GLRA3: variants seen among roughly 807,000 people sequenced by gnomAD.
The protein encoded by GLRA3 is glycine receptor alpha 3, also known as glycine receptor subunit alpha-3.
A neutral mutation model predicts 60.4 loss-of-function variants in GLRA3; 44 were observed. That is an observed-to-expected ratio of 0.73 (90% CI 0.57 to 0.94). The LOEUF (loss-of-function observed/expected upper bound fraction) is 0.94, where lower values mean the gene tolerates loss of function less well. Among genes scored for constraint, GLRA3 ranks in the 40% least tolerant of loss-of-function variants. The probability of loss-of-function intolerance (pLI) is 0.00; values close to 1 mark genes in which losing one functional copy is unlikely to be tolerated. For missense variants in GLRA3, 508 were observed against 564.6 expected (o/e 0.90, Z 1.02); for synonymous variants, 223 against 192.9 (o/e 1.16, Z -1.29).
At chr4:174,679,588 G>T (rs531233617) in intron 6 of GLRA3, among the ~76,000 whole-genome samples, 73 of 152,242 alleles carry the variant, frequency 4.8e-4, no homozygotes, top group African/African-American at 1.6e-3. Flanking sequence ...ATACATGTTT[G>T]TTGAAGCCCT....
chr4:174,775,511 G>T (rs1738564788), intron 2 of GLRA3, among the ~76,000 whole-genome samples: 1 of 152,096 alleles, frequency 6.6e-6, no homozygotes, highest in African/African-American at 2.4e-5. Context: ...GTGGCCATTG[G>T]AGATAACATA....
intron 1 of GLRA3, among the ~76,000 whole-genome samples, chr4:174,790,528 G>A (rs1739292026): frequency 6.7e-6 from 1 of 149,770 alleles, no homozygotes; most frequent in South Asian, 2.1e-4. Flanking sequence ...GTTGGATTTT[G>A]TAGCTACATG....
At chr4:174,813,086 G>A (rs1483724167) in intron 1 of GLRA3, among the ~76,000 whole-genome samples, 4 of 152,082 alleles carry the variant, frequency 2.6e-5, no homozygotes, top group African/African-American at 4.8e-5. Flanking sequence ...AAAAATATAA[G>A]CCAACACTGC....
At position 174,641,236 on chromosome 4, in the gene GLRA3, T is replaced by C. The variant is rs2110827992; in HGVS notation, c.*2550A>G. 6.6e-6 allele frequency: 1 copy of C among 152,284 alleles called. No homozygotes were observed. The highest frequency in any genetic ancestry group is 1.9e-4 in the East Asian group (1 of 5,186). The allele number at this position is 152,284 out of a possible 1,614,324, so 9.4% of individuals were successfully genotyped here. On this transcript the variant is annotated 3_prime_UTR_variant, in exon 10 of 10. Coordinates refer to ENST00000274093, the MANE Select transcript of GLRA3 (RefSeq NM_006529.4). ...GAATTCCAATTTGTGTGTTTAGTAGTTAATGTATATGCACACATTTTTAAT... is the reference window on the plus strand; with the variant it reads ...GAATTCCAATTTGTGTGTTTAGTAGCTAATGTATATGCACACATTTTTAAT...
chr4:174,790,395 A>C (rs1195816979), intron 1 of GLRA3, among the ~76,000 whole-genome samples: 1 of 151,908 alleles, frequency 6.6e-6, no homozygotes, highest in African/African-American at 2.4e-5. Flanking sequence ...TTTTTTAAAA[A>C]AACCTATCTT....
At chr4:174,755,764 A>AGAACAATG (rs1737668487) in intron 3 of GLRA3, among the ~76,000 whole-genome samples, 1 of 152,058 alleles carries the variant, frequency 6.6e-6, no homozygotes, top group South Asian at 2.1e-4. Context: ...CAGTATAGTA[A>AGAACAATG]TTTCTGCAGA....
At chr4:174,783,552 AT>A (rs1738987441) in intron 2 of GLRA3, among the ~76,000 whole-genome samples, 3 of 140,520 alleles carry the variant, frequency 2.1e-5, no homozygotes, top group Non-Finnish European at 1.6e-5. Flanking sequence ...ATGGGAGAAA[AT>A]TTTTGCAACC....
intron 3 of GLRA3, among the ~76,000 whole-genome samples, chr4:174,736,006 A>G (rs1736770643): frequency 1.3e-5 from 2 of 152,126 alleles, no homozygotes; most frequent in Non-Finnish European, 2.9e-5. Flanking sequence ...ACATTCTATT[A>G]TCAATCAACA....
intron 9 of GLRA3, among the ~76,000 whole-genome samples, chr4:174,645,378 C>A (rs960289608): frequency 1.4e-5 from 2 of 142,472 alleles, no homozygotes; most frequent in Non-Finnish European, 3.1e-5. Flanking sequence ...CACCACTGCA[C>A]TCCAGCCCTC....
At chr4:174,717,856 T>G (rs1224618735) in intron 4 of GLRA3, among the ~76,000 whole-genome samples, 1 of 152,220 alleles carries the variant, frequency 6.6e-6, no homozygotes, top group Admixed American at 6.5e-5. Context: ...ACATTAATTT[T>G]CCAAATATCC....
At chr4:174,733,332 G>A (rs1337881232) in intron 3 of GLRA3, among the ~76,000 whole-genome samples, 1 of 152,158 alleles carries the variant, frequency 6.6e-6, no homozygotes, top group Non-Finnish European at 1.5e-5. Flanking sequence ...ATACATTTGT[G>A]TTGTTTAAGC....
At chr4:174,687,909 A>G (rs950770625) in intron 5 of GLRA3, among the ~76,000 whole-genome samples, 7 of 152,166 alleles carry the variant, frequency 4.6e-5, no homozygotes, top group African/African-American at 1.7e-4. Flanking sequence ...TTAAAAGAGT[A>G]GGAAGAGTTC....
At chr4:174,734,201 G>T (rs543946694) in intron 3 of GLRA3, among the ~76,000 whole-genome samples, 1 of 152,256 alleles carries the variant, frequency 6.6e-6, no homozygotes, top group East Asian at 1.9e-4. Context: ...CAAGAATGAA[G>T]CTCAGACTTC....
At chr4:174,683,328 C>T (rs1316259099) in intron 5 of GLRA3, among the ~76,000 whole-genome samples, 1 of 151,942 alleles carries the variant, frequency 6.6e-6, no homozygotes, top group Non-Finnish European at 1.5e-5. Flanking sequence ...TCAATAAAAA[C>T]TGAAATTGTC....
At chr4:174,672,680 C>T (rs1212762966) in intron 7 of GLRA3, among the ~76,000 whole-genome samples, 4 of 152,112 alleles carry the variant, frequency 2.6e-5, no homozygotes, top group Non-Finnish European at 5.9e-5. Context: ...TCAGGGCAAG[C>T]GCAGAAGAGA....
chr4:174,682,844 C>T lies in GLRA3; in HGVS notation c.670G>A (p.Glu224Lys), dbSNP rs770099956. The change falls in exon 6 of 10, where the codon GAA becomes AAA. Residue 224 changes from glutamate to lysine, a missense_variant. Physicochemically the swap from Glu to Lys is moderately conservative, Grantham distance 56 (BLOSUM62 1). Transcript: ENST00000274093. ...GTGCAGTATCGTAAATCTTTTTCTT[C>T]TTTCAACAGAAACTGGGGCAAAGTG... is the stretch of plus-strand genomic sequence containing the variant. ...GLTLPQFLLK[E>K]EKDLRYCTKH... 10 of 1,613,184 alleles carry T rather than the reference C, an allele frequency of 6.2e-6. No homozygotes were observed. Among genetic ancestry groups the T allele is most frequent in the Non-Finnish European group, 8.5e-6 (10 of 1,179,190 alleles).
At chr4:174,742,546 TG>T (rs1737067484) in intron 3 of GLRA3, among the ~76,000 whole-genome samples, 1 of 152,132 alleles carries the variant, frequency 6.6e-6, no homozygotes, top group South Asian at 2.1e-4. Flanking sequence ...GCTAAACTCA[TG>T]GGGAAATTTA....
At chr4:174,809,298 T>C (rs1740170857) in intron 1 of GLRA3, among the ~76,000 whole-genome samples, 1 of 152,180 alleles carries the variant, frequency 6.6e-6, no homozygotes, top group Non-Finnish European at 1.5e-5. Context: ...AGTAGGCTAT[T>C]CCATCTAGGT....
intron 2 of GLRA3, among the ~76,000 whole-genome samples, chr4:174,782,493 A>AAGGG (rs1738924286): frequency 6.7e-6 from 1 of 149,912 alleles, no homozygotes; most frequent in African/African-American, 2.4e-5. Flanking sequence ...GAAGGAAATA[A>AAGGG]AGGGTATTCA....
Sources: allele counts gnomAD v4.1 joint callset (sites outside exome capture counted in the v4.1 genomes callset), GRCh38; gene constraint gnomAD v4.1.1; transcripts MANE v1.5; gene names NCBI Gene and HGNC (gene_info 2026-07-23, HGNC 2026-07-21).